The following TBC1D2B variants were observed in gnomAD, a reference collection of about 807,000 sequenced individuals.
The protein encoded by TBC1D2B is TBC1 domain family, member 2B.
TBC1D2B carries 64 observed loss-of-function variants against 100.8 expected under a neutral mutation model. That is an observed-to-expected ratio of 0.64 (90% confidence interval 0.52 to 0.78). The LOEUF is 0.78. TBC1D2B is among the 30% of genes least tolerant of loss of function. The pLI is 0.00. For missense variants in TBC1D2B, 1,052 were observed against 1,218.4 expected, an observed-to-expected ratio of 0.86 and a Z score of 2.03; for synonymous variants, 480 against 479.7, an observed-to-expected ratio of 1.00 and a Z score of -0.01.
At chr15:78,049,109 G>C (rs1480927259) in intron 2 of TBC1D2B, among the ~76,000 whole-genome samples, 1 of 152,288 alleles carries the variant, frequency 6.6e-6, no homozygotes, top group East Asian at 1.9e-4. Flanking sequence ...ACCCAGTCAG[G>C]AGGAATAGAA....
intron 10 of TBC1D2B, among the ~76,000 whole-genome samples, chr15:78,008,696 C>T (rs2072138106): frequency 6.6e-6 from 1 of 152,224 alleles, no homozygotes; most frequent in Non-Finnish European, 1.5e-5. Flanking sequence ...TATGACTCAG[C>T]CCACTGGTAG....
chr15:78,077,340 G>A lies in TBC1D2B; in HGVS notation c.313C>T (p.Pro105Ser), dbSNP rs1474364426. ...GCGCTGTGCACCTGGAAGTGCGCGG[G>A]CGGCTCCGTGCCCGGCTCCGCCGCC... is the stretch of plus-strand genomic sequence containing the variant. Reference protein sequence around the residue: ...DEAAEPGTEPPAHFQVHSAGA... With the variant: ...DEAAEPGTEPSAHFQVHSAGA... Residue 105 changes from proline (P) to serine (S), a missense_variant, in exon 1 of 13, where the codon CCC (proline) becomes TCC (serine). This residue lies in a region of TBC1D2B where 627 missense variants were observed against 646.1 expected (regional missense o/e 0.97). Transcript: ENST00000300584. 3 of 1,537,624 alleles carry A rather than the reference G, an allele frequency of 2.0e-6. No homozygotes were observed. The highest frequency in any genetic ancestry group is 1.2e-5 in the South Asian group (1 of 82,890).
At chr15:78,050,366 G>A (rs1425501139) in intron 2 of TBC1D2B, among the ~76,000 whole-genome samples, 2 of 152,216 alleles carry the variant, frequency 1.3e-5, no homozygotes, top group African/African-American at 4.8e-5. Flanking sequence ...GGGCATTTGA[G>A]CCTGCTATGA....
chr15:78,025,952 C>T (rs2141700466), intron 4 of TBC1D2B, among the ~76,000 whole-genome samples: 1 of 151,656 alleles, frequency 6.6e-6, no homozygotes, highest in East Asian at 1.9e-4. Context: ...AGATTGATGA[C>T]TCTGCCCCCA....
intron 3 of TBC1D2B, among the ~76,000 whole-genome samples, chr15:78,038,588 G>A (rs1232307299): frequency 6.6e-6 from 1 of 152,210 alleles, no homozygotes; most frequent in Non-Finnish European, 1.5e-5. Flanking sequence ...TGAGGCAGTC[G>A]ATTGAATTGA....
chr15:78,074,084 T>C (rs2073786463), intron 1 of TBC1D2B, among the ~76,000 whole-genome samples: 1 of 151,510 alleles, frequency 6.6e-6, no homozygotes, highest in African/African-American at 2.4e-5. Context: ...AGTGCAGTGG[T>C]GTGATCTCGG....
chr15:78,001,732 GA>G lies in TBC1D2B; in HGVS notation c.2582del (p.Phe861SerfsTer16). ...ACTTAAAAAGTGCCAGAGCAAAACG[GA>G]AAATAACCTGTGGAATAAACAGGGA... ...SFLYEGPKVIFRFALALFKYK... is the reference protein window; with the variant it reads ...SFLYEGPKVIXRFALALFKYK... On this transcript the variant is annotated frameshift_variant, in exon 12 of 13. Coordinates refer to ENST00000300584, the MANE Select transcript of TBC1D2B (RefSeq NM_144572.2). LOFTEE classifies it high-confidence loss of function. 1 of 1,606,746 alleles carries G rather than the reference GA, an allele frequency of 6.2e-7. No homozygotes were observed. Among genetic ancestry groups the G allele is most frequent in the South Asian group, 1.1e-5 (1 of 89,498 alleles).
rs143029479 is a variant in TBC1D2B at position 78,014,102 on chromosome 15, T to C, written c.1776-785A>G. Reference sequence around the variant, plus strand: ...GACAGCCAGCAAGGAAATAGCGACCTAGTCCTACGAATGACTGCAAGGAAC... The same window carrying C: ...GACAGCCAGCAAGGAAATAGCGACCCAGTCCTACGAATGACTGCAAGGAAC... On this transcript the variant is annotated intron_variant, in intron 8 of 12. Transcript: ENST00000300584. Among the ~76,000 whole-genome samples the C allele has an allele frequency of 5.5e-3, 844 of 152,326 alleles. 5 individuals are homozygous for C. Among genetic ancestry groups the C allele is most frequent in the South Asian group, 0.011 (54 of 4,828 alleles).
At chr15:78,075,324 G>A (rs556430212) in intron 1 of TBC1D2B, among the ~76,000 whole-genome samples, 86 of 151,766 alleles carry the variant, frequency 5.7e-4, no homozygotes, top group African/African-American at 1.9e-3. Context: ...TCAGCCTCCC[G>A]AATAACTGGG....
rs1312081538 is a variant in TBC1D2B, at chr15:78,077,690, G to A, written c.-38C>T. The A allele has an allele frequency of 7.1e-6, 7 of 984,394 alleles. No individual in the cohort carries two copies. The highest frequency in any genetic ancestry group is 4.5e-5 in the South Asian group (1 of 22,014). 61.0% of individuals were successfully genotyped at this position (984,394 alleles called of 1,614,324 possible). A position where few individuals can be genotyped will look rare whatever the true frequency, so the allele number is the denominator to read the frequency against. ...CCAACCGTAGGCGCCCGCGCCCTGC[G>A]CCTCCGCGCCGCGGCCGCTGCGCCC... On this transcript the variant is annotated 5_prime_UTR_variant, in exon 1 of 13. Transcript: ENST00000300584.
chr15:78,030,208 A>G (rs1317663492), intron 3 of TBC1D2B, 38 bp from the exon 4 acceptor site: 2 of 1,559,936 alleles, frequency 1.3e-6, no homozygotes, highest in Admixed American at 1.9e-5. Context: ...AACAAAAACA[A>G]AAGTAAAACA....
At chr15:78,036,523 A>G (rs1328927489) in intron 3 of TBC1D2B, among the ~76,000 whole-genome samples, 1 of 152,228 alleles carries the variant, frequency 6.6e-6, no homozygotes, top group Non-Finnish European at 1.5e-5. Context: ...AAGAGGAGAC[A>G]GCAATGTGGC....
At chr15:78,001,140 C>G (rs149569524) in intron 12 of TBC1D2B, among the ~76,000 whole-genome samples, 181 of 152,330 alleles carry the variant, frequency 1.2e-3, no homozygotes, top group African/African-American at 3.8e-3. Context: ...CGCCACCACT[C>G]CTGAAGGACC....
rs1222621975 is a variant in TBC1D2B at position 78,025,461 on chromosome 15, C to A, written c.884G>T (p.Arg295Leu). Residue 295 changes from arginine to leucine, a missense_variant, in exon 5 of 13, where the codon CGT becomes CTT. Transcript: ENST00000300584. ...AGGGCGCTTTCCTTTGTAGGGGTTA[C>A]GTCCAAAATCAAAGGGGAATCCTGA... ...TGSGFPFDFG[R>L]NPYKGKRPLK... 6.2e-7 allele frequency: 1 copy of A among 1,613,644 alleles called. No individual in the cohort carries two copies. Among genetic ancestry groups the A allele is most frequent in the Non-Finnish European group, 8.5e-7 (1 of 1,179,794 alleles).
chr15:78,041,060 C>G (rs930936775), intron 3 of TBC1D2B, among the ~76,000 whole-genome samples: 1 of 152,076 alleles, frequency 6.6e-6, no homozygotes, highest in Non-Finnish European at 1.5e-5. Context: ...TGGAACAAGG[C>G]CTAACAGTTG....
chr15:78,000,790 C>T (rs114577940), intron 12 of TBC1D2B, among the ~76,000 whole-genome samples: 4,483 of 152,314 alleles, frequency 0.029, 245 homozygotes, highest in African/African-American at 0.1. Context: ...GGTTCCCGAA[C>T]ACCTGGCCTC....
At chr15:78,054,788 T>G (rs1183466761) in intron 1 of TBC1D2B, among the ~76,000 whole-genome samples, 1 of 152,136 alleles carries the variant, frequency 6.6e-6, no homozygotes, top group Non-Finnish European at 1.5e-5. Context: ...CAATTCCTTA[T>G]AAAGTTAAAC....
At chr15:78,003,596 A>T in intron 10 of TBC1D2B, 106 bp from the exon 11 acceptor site, 1 of 788,762 alleles carries the variant, frequency 1.3e-6, no homozygotes, top group Non-Finnish European at 2.1e-6. Context: ...CCCAAGTGAC[A>T]GCAGCACAAC....
chr15:78,004,244 C>A (rs182208727), intron 10 of TBC1D2B, among the ~76,000 whole-genome samples: 37 of 152,272 alleles, frequency 2.4e-4, no homozygotes, highest in Admixed American at 2.3e-3. Flanking sequence ...ACCCTGACCT[C>A]AAGGAGTTAA....
Sources: allele counts gnomAD v4.1 joint callset (sites outside exome capture counted in the v4.1 genomes callset), GRCh38; gene constraint gnomAD v4.1.1; regional missense constraint gnomAD v4.1.1; transcripts MANE v1.5; gene names NCBI Gene and HGNC (gene_info 2026-07-23, HGNC 2026-07-21).